ARHGAP35: variants seen among roughly 807,000 people sequenced by gnomAD.
ARHGAP35 encodes the protein Rho GTPase activating protein 35.
A neutral mutation model predicts 111.1 loss-of-function variants in ARHGAP35; 15 were observed. The observed-to-expected ratio is 0.13, with a 90% CI of 0.09 to 0.21. ARHGAP35 has a LOEUF of 0.21. Ranked by LOEUF, ARHGAP35 falls within the 10% of genes least tolerant of loss-of-function variation. ARHGAP35 has a pLI of 1.00. For missense variants in ARHGAP35, 1,262 were observed against 1,873.0 expected (o/e 0.67, Z 6.02); for synonymous variants, 643 against 710.3 (o/e 0.91, Z 1.51).
At chr19:46,990,020 C>T (rs1030695856) in intron 5 of ARHGAP35, among the ~76,000 whole-genome samples, 1 of 152,186 alleles carries the variant, frequency 6.6e-6, no homozygotes, top group Admixed American at 6.5e-5. Context: ...CCTACTCCTG[C>T]GGATGAAATT....
chr19:47,001,433 A>C lies in ARHGAP35; in HGVS notation c.*745A>C. On this transcript the variant is annotated 3_prime_UTR_variant, in exon 7 of 7. Transcript: ENST00000672722. The surrounding 1 kb of genome is among the most constrained non-coding windows in gnomAD (Gnocchi z 5.4). ...AAAAGGAAGAAACCACAGAAAGAAA[A>C]CTACAGACCTCAAGATTCCACTCTG... 1 of 1,261,664 alleles carries C rather than the reference A, an allele frequency of 7.9e-7. No homozygotes were observed. The highest frequency in any genetic ancestry group is 1.0e-6 in the Non-Finnish European group (1 of 963,952). The allele number at this position is 1,261,664 out of a possible 1,614,324, so 78.2% of individuals were successfully genotyped here. A position where few individuals can be genotyped will look rare whatever the true frequency, so the allele number is the denominator to read the frequency against.
At chr19:46,930,004 C>T (rs2056263240) in intron 2 of ARHGAP35, among the ~76,000 whole-genome samples, 1 of 151,994 alleles carries the variant, frequency 6.6e-6, no homozygotes, top group Admixed American at 6.6e-5. Flanking sequence ...CTTAAGCAGT[C>T]CTCCCATCTG....
At chr19:46,883,186 C>T (rs1295685660) in intron 1 of ARHGAP35, among the ~76,000 whole-genome samples, 5 of 152,004 alleles carry the variant, frequency 3.3e-5, no homozygotes, top group Non-Finnish European at 1.5e-5. Flanking sequence ...CCTCCGCCTC[C>T]GAGGTTCAAG....
chr19:46,904,805 G>T (rs1331656240), intron 1 of ARHGAP35, among the ~76,000 whole-genome samples: 1 of 152,174 alleles, frequency 6.6e-6, no homozygotes, highest in Non-Finnish European at 1.5e-5. Flanking sequence ...TTCTTGCTCA[G>T]AAGCCTGTGG....
At chr19:46,877,775 C>A (rs2055933857) in intron 1 of ARHGAP35, among the ~76,000 whole-genome samples, 1 of 151,874 alleles carries the variant, frequency 6.6e-6, no homozygotes, top group South Asian at 2.1e-4. Context: ...AGTGCCATCT[C>A]AGCTCACTGC....
intron 3 of ARHGAP35, among the ~76,000 whole-genome samples, chr19:46,972,381 T>C (rs1306191770): frequency 6.6e-6 from 1 of 152,256 alleles, no homozygotes; most frequent in Non-Finnish European, 1.5e-5. Flanking sequence ...AATTGCAGTG[T>C]TGTCCTGATG....
Position 46,956,585 on chromosome 19 carries a change from G to A in ARHGAP35, c.3826+19177G>A, listed in dbSNP as rs181237702. Among the ~76,000 whole-genome samples, 94 of 151,636 alleles carry A rather than the reference G, an allele frequency of 6.2e-4. 1 individual carries two copies. Among genetic ancestry groups the A allele is most frequent in the African/African-American group, 1.8e-3 (74 of 41,310 alleles). On this transcript the variant is annotated intron_variant, in intron 3 of 6. Transcript: ENST00000672722. ...CAGGCGTGAGCAACCACACCCAACC[G>A]CATCCTCAAGATACCTCATTACTTA...
At chr19:46,970,436 G>A (rs1275041548) in intron 3 of ARHGAP35, among the ~76,000 whole-genome samples, 2 of 152,166 alleles carry the variant, frequency 1.3e-5, no homozygotes, top group Admixed American at 6.5e-5. Context: ...TGTTCCTTAC[G>A]TAGGGGTGCT....
intron 3 of ARHGAP35, among the ~76,000 whole-genome samples, chr19:46,973,636 A>G (rs2056564138): frequency 6.6e-6 from 1 of 151,896 alleles, no homozygotes; most frequent in Non-Finnish European, 1.5e-5. Flanking sequence ...GCTTGCAGTG[A>G]GCAGAGATCG....
At chr19:46,913,728 G>T (rs1309364001) in intron 1 of ARHGAP35, among the ~76,000 whole-genome samples, 1 of 152,116 alleles carries the variant, frequency 6.6e-6, no homozygotes, top group Non-Finnish European at 1.5e-5. Flanking sequence ...AAATATCTCT[G>T]TACAGCTCAA....
At chr19:46,932,972 C>A (rs1213735309) in intron 2 of ARHGAP35, among the ~76,000 whole-genome samples, 2 of 152,048 alleles carry the variant, frequency 1.3e-5, no homozygotes, top group East Asian at 3.9e-4. Flanking sequence ...AAGAAGCCTG[C>A]TCTATAGTCA....
At position 46,920,274 on chromosome 19, in the gene ARHGAP35, A is replaced by G; in HGVS notation, c.1599A>G (p.Leu533=). The part of the protein sequence containing the change: ...VLGEEQRFKA[L]QKLQAERDAL... ...GAGAGGAACAGCGATTTAAAGCATT[A>G]CAAAAGCTCCAAGCAGAGCGTGATG... Residue 533 remains leucine (L), a synonymous_variant, in exon 2 of 7, where the codon TTA becomes TTG. Coordinates refer to ENST00000672722, the MANE Select transcript of ARHGAP35 (RefSeq NM_004491.5). The surrounding 1 kb of genome is among the most constrained non-coding windows in gnomAD (Gnocchi z 7.0). 1.9e-6 allele frequency: 3 copies of G among 1,613,898 alleles called. No homozygotes were observed. The highest frequency in any genetic ancestry group is 2.5e-6 in the Non-Finnish European group (3 of 1,179,758).
intron 3 of ARHGAP35, among the ~76,000 whole-genome samples, chr19:46,956,038 C>T (rs2056437280): frequency 6.6e-6 from 1 of 152,174 alleles, no homozygotes; most frequent in Admixed American, 6.5e-5. Flanking sequence ...TGCACGAGGC[C>T]AGGGCACAGT....
chr19:46,969,393 A>G (rs180712281), intron 3 of ARHGAP35, among the ~76,000 whole-genome samples: 1 of 152,342 alleles, frequency 6.6e-6, no homozygotes, highest in Admixed American at 6.5e-5. Context: ...CTGAGTCTGC[A>G]GTGGCCTGTG....
intron 3 of ARHGAP35, among the ~76,000 whole-genome samples, chr19:46,964,779 C>A (rs1468827428): frequency 6.6e-6 from 1 of 152,018 alleles, no homozygotes; most frequent in Non-Finnish European, 1.5e-5. Flanking sequence ...TATGTGAATC[C>A]TTTGATAAAA....
intron 2 of ARHGAP35, among the ~76,000 whole-genome samples, chr19:46,936,431 C>T (rs1045382353): frequency 5.9e-5 from 9 of 152,148 alleles, no homozygotes; most frequent in African/African-American, 2.2e-4. Context: ...AATGTGGATG[C>T]AACTGAGAAT....
At chr19:46,886,615 C>T (rs548473489) in intron 1 of ARHGAP35, among the ~76,000 whole-genome samples, 6 of 152,150 alleles carry the variant, frequency 3.9e-5, no homozygotes, top group African/African-American at 7.2e-5. Context: ...TTCTAGGGAT[C>T]GGGCGTTACT....
At chr19:46,927,080 A>T (rs2056242764) in intron 2 of ARHGAP35, among the ~76,000 whole-genome samples, 1 of 152,220 alleles carries the variant, frequency 6.6e-6, no homozygotes, top group Admixed American at 6.5e-5. Context: ...ACTTGGTTTT[A>T]AAAATGGGGT....
rs866986955 is a variant in ARHGAP35 at position 46,926,473 on chromosome 19, T to C, written c.3681+4117T>C. On this transcript the variant is annotated intron_variant, in intron 2 of 6. Coordinates refer to ENST00000672722, the MANE Select transcript of ARHGAP35 (RefSeq NM_004491.5). The surrounding 1 kb of genome is among the most constrained non-coding windows in gnomAD (Gnocchi z 4.1). ...CGAGATCAGGATCGGCAGGGTCTTA[T>C]TTTAAAGCCAAAAAACAGGCTGGGG... 6.6e-6 allele frequency among the ~76,000 whole-genome samples: 1 copy of C among 152,230 alleles called. No individual in the cohort carries two copies. Among genetic ancestry groups the C allele is most frequent in the Non-Finnish European group, 1.5e-5 (1 of 68,026 alleles).
Sources: allele counts gnomAD v4.1 joint callset (sites outside exome capture counted in the v4.1 genomes callset), GRCh38; gene constraint gnomAD v4.1.1; non-coding constraint Gnocchi (gnomAD v3.1); transcripts MANE v1.5; gene names NCBI Gene and HGNC (gene_info 2026-07-23, HGNC 2026-07-21).